DNAH2: variants seen among roughly 807,000 people sequenced by gnomAD.
The protein encoded by DNAH2 is axonemal beta dynein heavy chain 2.
Under a neutral mutation model 523.5 loss-of-function variants are expected in DNAH2, and 323 were observed. The ratio of observed to expected loss-of-function variants is 0.62; its 90% CI spans 0.56 to 0.68. The LOEUF (loss-of-function observed/expected upper bound fraction) is 0.68. Among genes scored for constraint, DNAH2 ranks in the 30% least tolerant of loss-of-function variants. The pLI is 0.00. For missense variants in DNAH2, 4,907 were observed against 5,701.5 expected (o/e 0.86, Z 4.49); for synonymous variants, 2,093 against 2,177.4 (o/e 0.96, Z 1.08).
At position 7,793,180 on chromosome 17, in the gene DNAH2, C is replaced by T. The variant is rs368252712; in HGVS notation, c.7544C>T (p.Thr2515Met). 6.8e-5 allele frequency: 110 copies of T among 1,613,988 alleles called. 1 individual carries two copies. The highest frequency in any genetic ancestry group is 1.3e-4 in the East Asian group (6 of 44,892). ...WIDYGFWYDR[T>M]KQTIKYIREM... ...GACTATGGCTTCTGGTATGACCGTA[C>T]GAAGCAGACCATCAAGTACATTCGA... Residue 2515 changes from threonine (T) to methionine (M), a missense_variant, in exon 48 of 86, where the codon ACG becomes ATG. By Grantham distance (81) the Thr-to-Met change is moderately conservative. This residue lies in a region of DNAH2 where 250 missense variants were observed against 371.3 expected (regional missense o/e 0.67). Coordinates refer to ENST00000572933, the MANE Select transcript of DNAH2 (RefSeq NM_020877.5).
intron 7 of DNAH2, among the ~76,000 whole-genome samples, chr17:7,735,433 T>C (rs1397227603): frequency 2.6e-5 from 4 of 151,812 alleles, no homozygotes; most frequent in Non-Finnish European, 5.9e-5. Context: ...CCTGGCTCTT[T>C]TTCTTTTCTT....
Position 7,770,634 on chromosome 17 carries a change from G to A in DNAH2, c.4176G>A (p.Arg1392=), listed in dbSNP as rs1341441693. Residue 1392 remains arginine, a synonymous_variant, in exon 26 of 86, where the codon CGG becomes CGA. Transcript: ENST00000572933. The part of the protein sequence containing the change: ...IVPYKDKGHH[R]LRGTEEVFQA... ...CCTACAAGGATAAGGGCCATCATCG[G>A]CTCAGGTCAGGGGAGCTGGGGCTCT... 3 of 1,614,076 alleles carry A rather than the reference G, an allele frequency of 1.9e-6. No homozygotes were observed. The highest frequency in any genetic ancestry group is 2.5e-6 in the Non-Finnish European group (3 of 1,180,022).
chr17:7,756,705 G>A lies in DNAH2; in HGVS notation c.1905-386G>A, dbSNP rs576903261. Among the ~76,000 whole-genome samples the A allele has an allele frequency of 6.6e-5, 10 of 151,430 alleles. No homozygotes were observed. The East Asian group carries it at 2.0e-3, about 30-fold the overall frequency. On this transcript the variant is annotated intron_variant, in intron 12 of 85. Coordinates refer to ENST00000572933, the MANE Select transcript of DNAH2 (RefSeq NM_020877.5). ...TATAATGATTATTGTTTTAGAGACAGGGTCTTGCTCTGTGGAGTGCAGTGG... is the reference window on the plus strand; with the variant it reads ...TATAATGATTATTGTTTTAGAGACAAGGTCTTGCTCTGTGGAGTGCAGTGG...
intron 73 of DNAH2, 97 bp from the exon 74 acceptor site, chr17:7,823,345 T>TAAAGAG: frequency 9.9e-7 from 1 of 1,009,690 alleles, no homozygotes; most frequent in South Asian, 1.8e-5. Flanking sequence ...GAGAGAAAAA[T>TAAAGAG]ACAGAGAGAG....
At chr17:7,823,083 C>G (rs2077905558) in intron 73 of DNAH2, among the ~76,000 whole-genome samples, 1 of 152,056 alleles carries the variant, frequency 6.6e-6, no homozygotes, top group Non-Finnish European at 1.5e-5. Flanking sequence ...CACCTGAGAT[C>G]AGGAGTTCGA....
intron 63 of DNAH2, among the ~76,000 whole-genome samples, chr17:7,812,648 C>T (rs182390836): frequency 1.9e-3 from 294 of 151,158 alleles, no homozygotes; most frequent in Non-Finnish European, 2.9e-3. Flanking sequence ...AAGCCAGGTG[C>T]GGTGGCTCAC....
In DNAH2 at chr17:7,780,876, T is replaced by G; in HGVS notation, c.6003+94T>G. On this transcript the variant is annotated intron_variant, in intron 38 of 85. Coordinates refer to ENST00000572933, the MANE Select transcript of DNAH2 (RefSeq NM_020877.5). This position sits in a 1 kb window ranked among gnomAD's most constrained non-coding sequence, Gnocchi z 4.4. Reference sequence around the variant, plus strand: ...CTTTCAGACCCTTTCTTTCCTCAGATTGGGATTCTCACCTTCCCACCTCGT... The same window carrying G: ...CTTTCAGACCCTTTCTTTCCTCAGAGTGGGATTCTCACCTTCCCACCTCGT... 1 of 1,592,804 alleles carries G rather than the reference T, an allele frequency of 6.3e-7. No individual in the cohort carries two copies. The highest frequency in any genetic ancestry group is 8.6e-7 in the Non-Finnish European group (1 of 1,167,858).
chr17:7,757,918 C>T (rs920093768), intron 13 of DNAH2, among the ~76,000 whole-genome samples: 2 of 152,194 alleles, frequency 1.3e-5, no homozygotes, highest in Non-Finnish European at 2.9e-5. Flanking sequence ...TTCATGAGGG[C>T]TCCACCTTCA....
chr17:7,755,137 T>C (rs1374446650), intron 12 of DNAH2, among the ~76,000 whole-genome samples: 1 of 152,124 alleles, frequency 6.6e-6, no homozygotes, highest in Non-Finnish European at 1.5e-5. Context: ...ATTTCTGTGA[T>C]ATAGGAGGTG....
intron 50 of DNAH2, among the ~76,000 whole-genome samples, 155 bp downstream of exon 50, chr17:7,796,807 G>C (rs2077076310): frequency 1.3e-5 from 2 of 150,500 alleles, no homozygotes; most frequent in African/African-American, 4.9e-5. Flanking sequence ...TAAAACTTCT[G>C]GGCCAAGTGC....
chr17:7,817,649 A>G lies in DNAH2; in HGVS notation c.10109A>G (p.Gln3370Arg). 1.9e-6 allele frequency: 3 copies of G among 1,614,114 alleles called. No individual in the cohort carries two copies. Among genetic ancestry groups the G allele is most frequent in the South Asian group, 1.1e-5 (1 of 91,082 alleles). The change falls in exon 66 of 86, where the codon CAA (glutamine) becomes CGA (arginine). Residue 3370 changes from glutamine (Q) to arginine (R), a missense_variant. Coordinates refer to ENST00000572933, the MANE Select transcript of DNAH2 (RefSeq NM_020877.5). ...ACCAAAGTCCGGGACTGGAACATCCAAGGGTTGCCCTCAGACGCCTTCTCC... is the reference window on the plus strand; with the variant it reads ...ACCAAAGTCCGGGACTGGAACATCCGAGGGTTGCCCTCAGACGCCTTCTCC... ...NPTKVRDWNI[Q>R]GLPSDAFSTE...
intron 71 of DNAH2, 39 bp from the exon 72 acceptor site, chr17:7,819,170 T>TC (rs2077779911): frequency 2.5e-6 from 4 of 1,609,808 alleles, no homozygotes; most frequent in Non-Finnish European, 3.4e-6. Flanking sequence ...CCCTGCCACG[T>TC]CCCTCAGTGG....
At position 7,741,236 on chromosome 17, in the gene DNAH2, C is replaced by CTCTCTTTCTT. The variant is rs1555540638; in HGVS notation, c.1689+247_1689+248insCTTTCTTTCT. 9.5e-4 allele frequency among the ~76,000 whole-genome samples: 81 copies of CTCTCTTTCTT among 85,636 alleles called. 1 individual carries two copies. The highest frequency in any genetic ancestry group is 3.0e-3 in the African/African-American group (72 of 23,858). 56.2% of individuals were successfully genotyped at this position (85,636 alleles called of 152,430 possible). A position where few individuals can be genotyped will look rare whatever the true frequency, so the allele number is the denominator to read the frequency against. The stretch of plus-strand genomic sequence containing the variant: ...TCCTTCCTTTCTTTTTTTTCTCTCT[C>CTCTCTTTCTT]TCTTTCTTTCTTTCTTTCTTTCTTT... On this transcript the variant is annotated intron_variant, in intron 11 of 85. Transcript: ENST00000572933.
At chr17:7,759,251 C>G (rs2075936239) in intron 15 of DNAH2, 127 bp downstream of exon 15, 2 of 1,469,232 alleles carry the variant, frequency 1.4e-6, no homozygotes, top group Non-Finnish European at 9.1e-7. Flanking sequence ...ACATCGTGCT[C>G]TAGTCTTGGA....
Position 7,786,681 on chromosome 17 carries a change from T to C in DNAH2, c.6460T>C (p.Cys2154Arg), listed in dbSNP as rs1204216416. The C allele has an allele frequency of 2.5e-6, 4 of 1,613,828 alleles. No individual in the cohort carries two copies. Among genetic ancestry groups the C allele is most frequent in the Non-Finnish European group, 3.4e-6 (4 of 1,179,982 alleles). ...CTTGTCCAGTGTCATGCGGACGGCA[T>C]GTGCAGGTATCCAGAGGATCGTGGG... ...GILSSVMRTA[C>R]ADEKPDEKWI... Residue 2154 changes from cysteine to arginine, a missense_variant, in exon 41 of 86, where the codon TGT becomes CGT. By Grantham distance (180) the Cys-to-Arg change is radical. Transcript: ENST00000572933. The surrounding 1 kb of genome is among the most constrained non-coding windows in gnomAD (Gnocchi z 7.5).
chr17:7,820,553 T>G (rs2077822739), intron 72 of DNAH2, among the ~76,000 whole-genome samples: 1 of 152,130 alleles, frequency 6.6e-6, no homozygotes, highest in Non-Finnish European at 1.5e-5. Context: ...ACCTGAAAAC[T>G]CTACTGCAGC....
At position 7,780,588 on chromosome 17, in the gene DNAH2, G is replaced by A. The variant is rs774378107; in HGVS notation, c.5851-42G>A. ...GTCCTGAGATGAAGCAGAGGGATTT[G>A]TGGGGAGATGGACTGTTTCCTCCTC... On this transcript the variant is annotated intron_variant, in intron 37 of 85. Coordinates refer to ENST00000572933, the MANE Select transcript of DNAH2 (RefSeq NM_020877.5). The surrounding 1 kb of genome is among the most constrained non-coding windows in gnomAD (Gnocchi z 4.4). 1 of 1,608,200 alleles carries A rather than the reference G, an allele frequency of 6.2e-7. No homozygotes were observed. Among genetic ancestry groups the A allele is most frequent in the South Asian group, 1.1e-5 (1 of 90,926 alleles).
At position 7,777,619 on chromosome 17, in the gene DNAH2, G is replaced by A. The variant is rs369589851; in HGVS notation, c.5232G>A (p.Arg1744=). ...CCTTTGACTGGCTCAGCCAACTTCG[G>A]TTCTACTGGGAGAAGGTGCCAGATG... is the stretch of plus-strand genomic sequence containing the variant. ...VNSFDWLSQL[R]FYWEKDLDDC... Residue 1744 remains arginine, a synonymous_variant, in exon 33 of 86, where the codon CGG becomes CGA. Transcript: ENST00000572933. 2.4e-5 allele frequency: 39 copies of A among 1,614,016 alleles called. No individual in the cohort carries two copies. In the African/African-American group the frequency reaches 3.6e-4, roughly 15 times the overall value.
chr17:7,741,293 T>TCTTTCTTTCTTTCTTCCTTC (rs1555540783), intron 11 of DNAH2, among the ~76,000 whole-genome samples: 18 of 61,550 alleles, frequency 2.9e-4, no homozygotes, highest in Admixed American at 9.7e-4. Flanking sequence ...TTTCTTTCTT[T>TCTTTCTTTCTTTCTTCCTTC]CTTCCTTCCT....
Sources: allele counts gnomAD v4.1 joint callset (sites outside exome capture counted in the v4.1 genomes callset), GRCh38; gene constraint gnomAD v4.1.1; regional missense constraint gnomAD v4.1.1; non-coding constraint Gnocchi (gnomAD v3.1); transcripts MANE v1.5; gene names NCBI Gene and HGNC (gene_info 2026-07-23, HGNC 2026-07-21).